TTC29: variants seen among roughly 807,000 people sequenced by gnomAD.
The protein encoded by TTC29 is tetratricopeptide repeat protein 29.
TTC29 carries 49 observed loss-of-function variants against 58.1 expected under a neutral mutation model. The observed-to-expected ratio is 0.84, with a 90% CI of 0.67 to 1.07. TTC29 has a LOEUF of 1.07. TTC29 is among the 50% of genes least tolerant of loss of function. The pLI, the probability that TTC29 is intolerant of heterozygous loss-of-function variation, is 0.00. For missense variants in TTC29, 582 were observed against 555.6 expected, an observed-to-expected ratio of 1.05 and a Z score of -0.48; for synonymous variants, 209 against 196.8, an observed-to-expected ratio of 1.06 and a Z score of -0.52.
At chr4:146,818,368 TCAAAACCA>T (rs906807980) in intron 10 of TTC29, among the ~76,000 whole-genome samples, 1 of 152,056 alleles carries the variant, frequency 6.6e-6, no homozygotes, top group Non-Finnish European at 1.5e-5. Context: ...CAAATGCAAA[TCAAAACCA>T]CAATGAGATA....
chr4:146,762,616 G>A (rs1170336410), intron 11 of TTC29, among the ~76,000 whole-genome samples: 1 of 151,856 alleles, frequency 6.6e-6, no homozygotes, highest in Non-Finnish European at 1.5e-5. Flanking sequence ...TCTGGATTTA[G>A]AAATTGTTTA....
chr4:146,859,410 A>G (rs547649953), intron 8 of TTC29, among the ~76,000 whole-genome samples: 1 of 152,012 alleles, frequency 6.6e-6, no homozygotes, highest in South Asian at 2.1e-4. Context: ...CTTCTGACAT[A>G]CACTTTTCAA....
At chr4:146,723,460 G>A (rs1209341331) in intron 11 of TTC29, among the ~76,000 whole-genome samples, 1 of 151,878 alleles carries the variant, frequency 6.6e-6, no homozygotes, top group African/African-American at 2.4e-5. Context: ...TCTACAAATG[G>A]GAGAAAATAT....
intron 11 of TTC29, among the ~76,000 whole-genome samples, chr4:146,779,249 C>A (rs1479061152): frequency 6.6e-6 from 1 of 152,034 alleles, no homozygotes; most frequent in Non-Finnish European, 1.5e-5. Context: ...ATCCTGGTTA[C>A]AACTACACAT....
chr4:146,874,154 C>T (rs1731105888), intron 7 of TTC29, among the ~76,000 whole-genome samples: 2 of 152,044 alleles, frequency 1.3e-5, no homozygotes, highest in Non-Finnish European at 2.9e-5. Flanking sequence ...GGGTATCTTG[C>T]TAACCTGAGG....
intron 11 of TTC29, among the ~76,000 whole-genome samples, chr4:146,769,422 G>T (rs972146214): frequency 6.6e-6 from 1 of 151,848 alleles, no homozygotes; most frequent in Non-Finnish European, 1.5e-5. Flanking sequence ...ATTTGACTAA[G>T]TATAACTACA....
intron 4 of TTC29, 111 bp downstream of exon 4, chr4:146,937,483 T>C (rs1735934055): frequency 2.9e-6 from 2 of 695,550 alleles, no homozygotes; most frequent in Admixed American, 3.5e-5. Context: ...AATTTTTAAA[T>C]GCCATGTTCC....
chr4:146,746,037 C>T (rs1354749343), intron 11 of TTC29, among the ~76,000 whole-genome samples: 1 of 152,194 alleles, frequency 6.6e-6, no homozygotes, highest in Non-Finnish European at 1.5e-5. Context: ...CTAGTTTACT[C>T]TGTCTAAACT....
chr4:146,780,472 C>G (rs1384200733), intron 11 of TTC29, among the ~76,000 whole-genome samples: 1 of 151,976 alleles, frequency 6.6e-6, no homozygotes, highest in Non-Finnish European at 1.5e-5. Flanking sequence ...TTGAGGCCAT[C>G]AATTTCCAAG....
rs148604792 is a variant in TTC29 at position 146,742,363 on chromosome 4, C to T, written c.1331-34812G>A. 6.4e-3 allele frequency among the ~76,000 whole-genome samples: 971 copies of T among 152,218 alleles called. 6 individuals carry two copies. Among genetic ancestry groups the T allele is most frequent in the Middle Eastern group, 0.027 (8 of 294 alleles). ...AGCAAAAGAACTGTATTGCAGGGGG[C>T]TAACAAAGAACTCTAGAGGGACAGG... On this transcript the variant is annotated intron_variant, in intron 11 of 12. Coordinates refer to ENST00000325106, the MANE Select transcript of TTC29 (RefSeq NM_031956.4).
intron 11 of TTC29, among the ~76,000 whole-genome samples, chr4:146,761,957 T>C (rs191063723): frequency 1.3e-5 from 2 of 152,036 alleles, no homozygotes; most frequent in African/African-American, 4.8e-5. Flanking sequence ...TGTTAGCAGA[T>C]TTAAAAAAAC....
intron 9 of TTC29, among the ~76,000 whole-genome samples, chr4:146,823,287 G>A (rs1427880129): frequency 6.6e-6 from 1 of 152,186 alleles, no homozygotes; most frequent in African/African-American, 2.4e-5. Context: ...TGTATAAGGT[G>A]TAAGGAAGGG....
chr4:146,791,890 C>T (rs532795119), intron 11 of TTC29, among the ~76,000 whole-genome samples: 105 of 152,314 alleles, frequency 6.9e-4, no homozygotes, highest in African/African-American at 2.5e-3. Context: ...TAAGCCACAA[C>T]ATTCTCTTAA....
Position 146,746,612 on chromosome 4 carries a change from A to AT in TTC29, c.1331-39062_1331-39061insA, listed in dbSNP as rs1196202318. On this transcript the variant is annotated intron_variant, in intron 11 of 12. Coordinates refer to ENST00000325106, the MANE Select transcript of TTC29 (RefSeq NM_031956.4). ...CAGTTTAGACAAAAATAGTATTTTC[A>AT]AGCAATTTTTATTGTGTGTGTGAGG... 4.1e-4 allele frequency among the ~76,000 whole-genome samples: 63 copies of AT among 152,306 alleles called. 1 individual carries two copies. Among genetic ancestry groups the AT allele is most frequent in the African/African-American group, 1.5e-3 (61 of 41,582 alleles).
chr4:146,786,397 CACTCTT>C (rs1749018820), intron 11 of TTC29, among the ~76,000 whole-genome samples: 1 of 152,214 alleles, frequency 6.6e-6, no homozygotes, highest in Non-Finnish European at 1.5e-5. Flanking sequence ...CCACTCTACT[CACTCTT>C]ACTAAAAGAT....
At chr4:146,812,923 T>G (rs1006045495) in intron 10 of TTC29, 6 of 152,156 alleles carry the variant, frequency 3.9e-5, no homozygotes, top group African/African-American at 1.4e-4. Context: ...TTCTAGTAAT[T>G]AGTCTTGGTA....
In TTC29 at chr4:146,938,978, C is replaced by T. The variant is rs187236683; in HGVS notation, c.92+826G>A. 1.1e-3 allele frequency among the ~76,000 whole-genome samples: 168 copies of T among 152,162 alleles called. 1 individual carries two copies. The highest frequency in any genetic ancestry group is 1.1e-3 in the Non-Finnish European group (73 of 67,998). The stretch of plus-strand genomic sequence containing the variant: ...TATCAATTTCTCTGTCCTGCATTTC[C>T]TCAGTGACAATTTGAGTAGCTCAGC... On this transcript the variant is annotated intron_variant, in intron 3 of 12. Transcript: ENST00000325106.
chr4:146,880,247 A>T (rs1161751772), intron 6 of TTC29, among the ~76,000 whole-genome samples: 1 of 152,210 alleles, frequency 6.6e-6, no homozygotes, highest in Non-Finnish European at 1.5e-5. Flanking sequence ...CCAGGTATGA[A>T]CAGAAATAGC....
intron 5 of TTC29, 84 bp from the exon 6 acceptor site, chr4:146,903,813 C>A: frequency 9.8e-7 from 1 of 1,021,626 alleles, no homozygotes; most frequent in Non-Finnish European, 1.3e-6. Flanking sequence ...AATATCATGA[C>A]TTCCTATTTT....
Sources: allele counts gnomAD v4.1 joint callset (sites outside exome capture counted in the v4.1 genomes callset), GRCh38; gene constraint gnomAD v4.1.1; transcripts MANE v1.5; gene names NCBI Gene and HGNC (gene_info 2026-07-23, HGNC 2026-07-21).